ROBO2: variants seen among roughly 807,000 people sequenced by gnomAD.
The protein encoded by ROBO2 is roundabout homolog 2.
Under a neutral mutation model 160.8 loss-of-function variants are expected in ROBO2, and 53 were observed. The observed-to-expected ratio is 0.33, with a 90% confidence interval of 0.26 to 0.41. The LOEUF is 0.41. Among genes scored for constraint, ROBO2 ranks in the 10% least tolerant of loss-of-function variants. The pLI is 1.00. For synonymous variants in ROBO2, 664 were observed against 611.7 expected (o/e 1.09, Z -1.26); for missense variants, 1,577 against 1,722.4 (o/e 0.92, Z 1.49).
At chr3:76,653,109 C>T (rs1384074952) in intron 2 of ROBO2, among the ~76,000 whole-genome samples, 1 of 151,924 alleles carries the variant, frequency 6.6e-6, no homozygotes, top group African/African-American at 2.4e-5. Context: ...TACCAAATTA[C>T]ACCAAACTTA....
intron 2 of ROBO2, among the ~76,000 whole-genome samples, chr3:76,041,952 G>C (rs548301557): frequency 6.6e-6 from 1 of 151,120 alleles, no homozygotes; most frequent in African/African-American, 2.4e-5. Context: ...ACAGCACCAG[G>C]CATGTGTGTT....
At chr3:76,536,207 T>C (rs1316515662) in intron 2 of ROBO2, among the ~76,000 whole-genome samples, 1 of 152,190 alleles carries the variant, frequency 6.6e-6, no homozygotes, top group Non-Finnish European at 1.5e-5. Flanking sequence ...CTGAGGTTTG[T>C]CTTACAGCGG....
At chr3:75,911,294 C>T (rs1255842776) in intron 1 of ROBO2, among the ~76,000 whole-genome samples, 1 of 152,036 alleles carries the variant, frequency 6.6e-6, no homozygotes, top group Admixed American at 6.6e-5. Flanking sequence ...ATTACAGACC[C>T]ATGATTAAAA....
At chr3:76,015,291 T>C (rs1454568529) in intron 2 of ROBO2, among the ~76,000 whole-genome samples, 1 of 152,182 alleles carries the variant, frequency 6.6e-6, no homozygotes, top group Non-Finnish European at 1.5e-5. Flanking sequence ...GTAAAAATTA[T>C]ATAAAATATG....
intron 2 of ROBO2, among the ~76,000 whole-genome samples, chr3:76,693,047 CCTA>C (rs1410786617): frequency 3.1e-5 from 4 of 128,656 alleles, no homozygotes; most frequent in African/African-American, 1.5e-4. Context: ...AGTCTCTCTC[CCTA>C]TATATATAGT....
At chr3:77,475,402 T>C (rs988848273) in intron 2 of ROBO2, among the ~76,000 whole-genome samples, 3 of 152,220 alleles carry the variant, frequency 2.0e-5, no homozygotes, top group African/African-American at 7.2e-5. Context: ...TTCTTCTTTT[T>C]GTCCTACATG....
chr3:75,973,501 A>G (rs1021928565), intron 2 of ROBO2, among the ~76,000 whole-genome samples: 1 of 151,686 alleles, frequency 6.6e-6, no homozygotes, highest in African/African-American at 2.4e-5. Context: ...TAAGTGATGG[A>G]AGGAGCAAGA....
intron 2 of ROBO2, among the ~76,000 whole-genome samples, chr3:76,619,143 A>G (rs557960839): frequency 6.6e-6 from 1 of 151,676 alleles, no homozygotes; most frequent in Non-Finnish European, 1.5e-5. Flanking sequence ...GATCGAGACC[A>G]TCCTGGCTAA....
At chr3:76,798,198 A>AAAAAG (rs2063866086) in intron 2 of ROBO2, among the ~76,000 whole-genome samples, 3 of 149,444 alleles carry the variant, frequency 2.0e-5, no homozygotes, top group African/African-American at 7.4e-5. Context: ...GAAAAAGAAG[A>AAAAAG]AAGAAAGAGA....
At chr3:76,686,294 A>G (rs901107004) in intron 2 of ROBO2, among the ~76,000 whole-genome samples, 1 of 152,086 alleles carries the variant, frequency 6.6e-6, no homozygotes, top group Non-Finnish European at 1.5e-5. Context: ...TATCATTTAG[A>G]GGTTTCAGTG....
intron 2 of ROBO2, among the ~76,000 whole-genome samples, chr3:76,899,641 A>T (rs889403537): frequency 1.3e-5 from 2 of 152,074 alleles, no homozygotes; most frequent in Non-Finnish European, 2.9e-5. Context: ...TTTATTAATC[A>T]AACATTTATT....
At chr3:77,645,614 C>T (rs2095405474) in intron 25 of ROBO2, among the ~76,000 whole-genome samples, 1 of 152,082 alleles carries the variant, frequency 6.6e-6, no homozygotes, top group Non-Finnish European at 1.5e-5. Flanking sequence ...ATAGCATTAC[C>T]ATTATCTTCA....
In ROBO2 at chr3:76,670,898, C is replaced by T. The variant is rs1209287422; in HGVS notation, c.110-427116C>T. On this transcript the variant is annotated intron_variant, in intron 2 of 26. Coordinates refer to the ROBO2 transcript ENST00000487694. ...TTGGTCATTTTGTTTGCTTAATGAA[C>T]CCTTAAAATGAATGATTTATTTTAG... Among the ~76,000 whole-genome samples, 6 of 150,150 alleles carry T rather than the reference C, an allele frequency of 4.0e-5. No individual in the cohort carries two copies. The South Asian group carries it at 6.3e-4, about 16-fold the overall frequency.
intron 2 of ROBO2, among the ~76,000 whole-genome samples, chr3:76,967,733 G>A (rs2059377138): frequency 6.6e-6 from 1 of 151,422 alleles, no homozygotes; most frequent in Non-Finnish European, 1.5e-5. Flanking sequence ...TTTGGAGATG[G>A]AGGGTCTTGC....
intron 2 of ROBO2, among the ~76,000 whole-genome samples, chr3:76,550,765 C>A (rs186518048): frequency 6.6e-6 from 1 of 152,238 alleles, no homozygotes; most frequent in Admixed American, 6.5e-5. Context: ...GGTGCTGGCA[C>A]GACCTGGCTG....
At chr3:76,877,138 C>A (rs2072829588) in intron 2 of ROBO2, among the ~76,000 whole-genome samples, 4 of 152,040 alleles carry the variant, frequency 2.6e-5, no homozygotes, top group Admixed American at 1.3e-4. Context: ...AAAATAGTAT[C>A]ATTTTATTAG....
At chr3:77,224,519 G>A (rs925282415) in intron 2 of ROBO2, among the ~76,000 whole-genome samples, 3 of 151,896 alleles carry the variant, frequency 2.0e-5, no homozygotes, top group African/African-American at 7.2e-5. Context: ...TTATAGTCTT[G>A]TAATGCTGCA....
At chr3:76,450,270 A>G (rs918762249) in intron 2 of ROBO2, among the ~76,000 whole-genome samples, 4 of 152,206 alleles carry the variant, frequency 2.6e-5, no homozygotes, top group African/African-American at 9.6e-5. Context: ...TAAAAGAGTG[A>G]CAAATTTCAG....
chr3:76,716,334 AC>A (rs923187044), intron 2 of ROBO2, among the ~76,000 whole-genome samples: 3 of 151,930 alleles, frequency 2.0e-5, no homozygotes, highest in Non-Finnish European at 4.4e-5. Context: ...TTTGAGCTTA[AC>A]CCCCCAAAAG....
Sources: gnomAD v4.1 joint callset for allele counts (sites outside exome capture counted in the v4.1 genomes callset) on GRCh38, gnomAD v4.1.1 for gene constraint, MANE v1.5 for transcripts, NCBI Gene and HGNC (gene_info 2026-07-23, HGNC 2026-07-21) for gene names.